Variants in VPS13B observed in about 807,000 individuals in gnomAD.
VPS13B encodes intermembrane lipid transfer protein VPS13B.
Under a neutral mutation model 426.4 loss-of-function variants are expected in VPS13B, and 285 were observed. The observed-to-expected ratio is 0.67, with a 90% CI of 0.61 to 0.74. The LOEUF (loss-of-function observed/expected upper bound fraction) is 0.74. Among genes scored for constraint, VPS13B ranks in the 30% least tolerant of loss-of-function variants. The pLI is 0.00. For missense variants in VPS13B, 4,537 were observed against 4,782.6 expected, an observed-to-expected ratio of 0.95 and a Z score of 1.51; for synonymous variants, 1,676 against 1,676.4, an observed-to-expected ratio of 1.00 and a Z score of 0.01.
chr8:99,065,971 A>G (rs1395500972), intron 3 of VPS13B, among the ~76,000 whole-genome samples: 2 of 152,262 alleles, frequency 1.3e-5, no homozygotes, highest in East Asian at 3.8e-4. Flanking sequence ...TTCAAGGAGA[A>G]CTACAAACCA....
intron 42 of VPS13B, among the ~76,000 whole-genome samples, chr8:99,781,829 T>C (rs11785611): frequency 0.016 from 2,387 of 152,308 alleles, 36 homozygotes; most frequent in Middle Eastern, 0.041. Context: ...AATCTCAGGA[T>C]GTGTAACTAA....
intron 19 of VPS13B, among the ~76,000 whole-genome samples, chr8:99,299,052 CTTTTT>C (rs11302301): frequency 1.8e-5 from 1 of 55,026 alleles, no homozygotes; most frequent in Admixed American, 1.8e-4. Flanking sequence ...TATTCCACCA[CTTTTT>C]TTTTTTTTTT....
chr8:99,790,937 C>T (rs78437785), intron 43 of VPS13B, among the ~76,000 whole-genome samples: 10,256 of 152,146 alleles, frequency 0.067, 516 homozygotes, highest in African/African-American at 0.14. Flanking sequence ...ATGAGGGCTC[C>T]TGTATGCTGT....
chr8:99,296,717 A>G (rs1820060733), intron 19 of VPS13B, among the ~76,000 whole-genome samples: 1 of 152,114 alleles, frequency 6.6e-6, no homozygotes, highest in African/African-American at 2.4e-5. Context: ...GCCCTTGTGA[A>G]TGGAATTAGT....
At chr8:99,697,637 C>T in intron 35 of VPS13B, 1 of 647,482 alleles carries the variant, frequency 1.5e-6, no homozygotes, top group Non-Finnish European at 2.9e-6. Flanking sequence ...CTAAAGCCAC[C>T]AAGAGACTGA....
At chr8:99,104,827 G>T (rs1846957705) in intron 5 of VPS13B, among the ~76,000 whole-genome samples, 1 of 151,982 alleles carries the variant, frequency 6.6e-6, no homozygotes, top group South Asian at 2.1e-4. Flanking sequence ...GTTTTGCCCT[G>T]TTGCCCAGGC....
intron 3 of VPS13B, among the ~76,000 whole-genome samples, chr8:99,072,688 T>G (rs748590530): frequency 6.6e-6 from 1 of 152,190 alleles, no homozygotes; most frequent in African/African-American, 2.4e-5. Context: ...TTCTGAGGTG[T>G]TTCTCCTGTT....
rs201275704 is a variant in VPS13B at position 99,405,176 on chromosome 8, A to AT, written c.3082+13481dup. 1.6e-4 allele frequency among the ~76,000 whole-genome samples: 24 copies of AT among 150,826 alleles called. No homozygotes were observed. In the East Asian group the frequency reaches 2.9e-3, roughly 18 times the overall value. On this transcript the variant is annotated intron_variant, in intron 21 of 61. Coordinates refer to ENST00000357162, the MANE Select transcript of VPS13B (RefSeq NM_152564.5). ...TGACCTGCTCTGTTATACCAGTCTT[A>AT]TTTTTTTTTCTCTTTTTTAAAGGTG...
intron 17 of VPS13B, among the ~76,000 whole-genome samples, chr8:99,235,822 A>G (rs1002372386): frequency 2.0e-5 from 3 of 152,172 alleles, no homozygotes; most frequent in Admixed American, 6.5e-5. Context: ...AGAACTACTT[A>G]CTGTGAATTA....
intron 17 of VPS13B, among the ~76,000 whole-genome samples, chr8:99,194,511 A>G (rs1378686178): frequency 2.6e-5 from 4 of 152,176 alleles, no homozygotes; most frequent in African/African-American, 9.7e-5. Flanking sequence ...TAGATACCAC[A>G]TTTAAGTGAG....
chr8:99,783,577 A>G (rs1298884119), intron 42 of VPS13B, among the ~76,000 whole-genome samples: 1 of 152,212 alleles, frequency 6.6e-6, no homozygotes, highest in East Asian at 1.9e-4. Context: ...GGAGTTATCA[A>G]CAAAGGAACG....
chr8:99,395,878 C>G (rs191873471), intron 21 of VPS13B, among the ~76,000 whole-genome samples: 1 of 151,880 alleles, frequency 6.6e-6, no homozygotes, highest in Non-Finnish European at 1.5e-5. Flanking sequence ...AAGTTGGACA[C>G]ATTGAGGAGA....
At chr8:99,648,108 T>A (rs935830041) in intron 34 of VPS13B, among the ~76,000 whole-genome samples, 9 of 152,232 alleles carry the variant, frequency 5.9e-5, no homozygotes, top group African/African-American at 2.2e-4. Flanking sequence ...CTTTCATTTA[T>A]ACAGCAGACA....
intron 43 of VPS13B, among the ~76,000 whole-genome samples, chr8:99,789,093 G>A (rs1458367874): frequency 6.6e-6 from 1 of 151,976 alleles, no homozygotes; most frequent in African/African-American, 2.4e-5. Flanking sequence ...TTTTTGTTTT[G>A]TATGTAACAA....
At chr8:99,520,115 G>T (rs1466990738) in intron 29 of VPS13B, among the ~76,000 whole-genome samples, 1 of 152,042 alleles carries the variant, frequency 6.6e-6, no homozygotes, top group Non-Finnish European at 1.5e-5. Flanking sequence ...ACAAAAAAGA[G>T]AATTAGAACT....
At chr8:99,497,179 AATAT>A (rs1415400257) in intron 25 of VPS13B, among the ~76,000 whole-genome samples, 1 of 139,390 alleles carries the variant, frequency 7.2e-6, no homozygotes, top group Non-Finnish European at 1.5e-5. Flanking sequence ...TTATATATTT[AATAT>A]ATAAATACAT....
chr8:99,730,442 T>G (rs575030330), intron 39 of VPS13B, among the ~76,000 whole-genome samples: 77 of 152,266 alleles, frequency 5.1e-4, no homozygotes, highest in Admixed American at 1.0e-3. Flanking sequence ...ATTGCCTCCT[T>G]TTTTTAGACA....
rs534331020 is a variant in VPS13B, at chr8:99,744,252, A to G, written c.7051-22522A>G. Among the ~76,000 whole-genome samples the G allele has an allele frequency of 1.1e-4, 17 of 152,368 alleles. No individual in the cohort carries two copies. The East Asian group carries it at 3.1e-3, about 28-fold the overall frequency. On this transcript the variant is annotated intron_variant, in intron 39 of 61. Coordinates refer to ENST00000357162, the MANE Select transcript of VPS13B (RefSeq NM_152564.5). Reference sequence around the variant, plus strand: ...ATCACTGGCCATCAGAGAAATGCAAATCAAAACCACAGTGAGATACCATCT... The same window carrying G: ...ATCACTGGCCATCAGAGAAATGCAAGTCAAAACCACAGTGAGATACCATCT...
chr8:99,540,058 TATATA>T (rs1281776684), intron 30 of VPS13B, among the ~76,000 whole-genome samples: 51 of 5,694 alleles, frequency 9.0e-3, no homozygotes, highest in Non-Finnish European at 0.014. Context: ...TATATATATA[TATATA>T]TTTTTTTTTT....
Sources: allele counts gnomAD v4.1 joint callset (sites outside exome capture counted in the v4.1 genomes callset), GRCh38; gene constraint gnomAD v4.1.1; transcripts MANE v1.5; gene names NCBI Gene and HGNC (gene_info 2026-07-23, HGNC 2026-07-21).